The following PLPPR1 variants were observed in gnomAD, a reference collection of about 807,000 sequenced individuals.
The protein encoded by PLPPR1 is phospholipid phosphatase related 1, also known as phospholipid phosphatase-related protein type 1.
A neutral mutation model predicts 33.1 loss-of-function variants in PLPPR1; 10 were observed. That is an observed-to-expected ratio of 0.30 (90% CI 0.19 to 0.51). The LOEUF is 0.51. Ranked by LOEUF, PLPPR1 falls within the 20% of genes least tolerant of loss-of-function variation. The pLI is 0.97. For missense variants in PLPPR1, 304 were observed against 408.1 expected (o/e 0.74, Z 2.20); for synonymous variants, 151 against 151.0 (o/e 1.00, Z 0.00).
chr9:101,103,224 G>A (rs1297906226), intron 1 of PLPPR1, among the ~76,000 whole-genome samples: 3 of 129,616 alleles, frequency 2.3e-5, no homozygotes, highest in East Asian at 4.9e-4. Context: ...CCTTGCCTAC[G>A]CCTATGTCCT....
chr9:101,180,336 CAATGA>C (rs1438230442), intron 1 of PLPPR1, among the ~76,000 whole-genome samples: 1 of 150,538 alleles, frequency 6.6e-6, no homozygotes, highest in Non-Finnish European at 1.5e-5. Flanking sequence ...TCTATAGATT[CAATGA>C]AATCCCTACC....
chr9:101,132,228 C>T (rs1212144968), intron 1 of PLPPR1, among the ~76,000 whole-genome samples: 4 of 152,278 alleles, frequency 2.6e-5, no homozygotes, highest in Admixed American at 2.0e-4. Flanking sequence ...AAAGAACATC[C>T]TCCTTCCACA....
At chr9:101,194,674 C>T (rs1025306798) in intron 2 of PLPPR1, among the ~76,000 whole-genome samples, 1 of 151,306 alleles carries the variant, frequency 6.6e-6, no homozygotes, top group Non-Finnish European at 1.5e-5. Context: ...TCGCTTGAAC[C>T]CGGGAGGCGG....
intron 3 of PLPPR1, among the ~76,000 whole-genome samples, chr9:101,271,390 T>A (rs1368548929): frequency 6.6e-6 from 1 of 152,222 alleles, no homozygotes; most frequent in African/African-American, 2.4e-5. Flanking sequence ...TGGCTGGAAC[T>A]GCTCTTTGCC....
chr9:101,078,292 C>T (rs1421509219), intron 1 of PLPPR1, among the ~76,000 whole-genome samples: 2 of 141,398 alleles, frequency 1.4e-5, no homozygotes, highest in Non-Finnish European at 1.5e-5. Context: ...GATCTGGCAA[C>T]AAAAAAGGGC....
At chr9:101,030,076 A>C (rs140557051) in intron 1 of PLPPR1, among the ~76,000 whole-genome samples, 2 of 152,150 alleles carry the variant, frequency 1.3e-5, no homozygotes, top group African/African-American at 4.8e-5. Context: ...GGTTCTGAAT[A>C]TCTCTTCGGC....
intron 3 of PLPPR1, among the ~76,000 whole-genome samples, chr9:101,271,236 T>A (rs1828094523): frequency 6.6e-6 from 1 of 152,174 alleles, no homozygotes; most frequent in African/African-American, 2.4e-5. Flanking sequence ...ACATCCTGAC[T>A]TTGGGCAAGT....
At chr9:101,289,816 C>T (rs1169528126) in intron 4 of PLPPR1, among the ~76,000 whole-genome samples, 1 of 152,160 alleles carries the variant, frequency 6.6e-6, no homozygotes, top group African/African-American at 2.4e-5. Flanking sequence ...TCAGGTATGT[C>T]TTTATTAGGG....
At chr9:101,265,909 T>C (rs1292691151) in intron 2 of PLPPR1, among the ~76,000 whole-genome samples, 1 of 151,746 alleles carries the variant, frequency 6.6e-6, no homozygotes, top group African/African-American at 2.4e-5. Context: ...GGCAGGAGAA[T>C]TGTGTGAACC....
At chr9:101,278,540 C>G (rs1360908411) in intron 3 of PLPPR1, among the ~76,000 whole-genome samples, 1 of 152,168 alleles carries the variant, frequency 6.6e-6, no homozygotes, top group Admixed American at 6.5e-5. Context: ...ACCCCTCCCC[C>G]AACCATCACA....
At chr9:101,119,416 G>A (rs1831150738) in intron 1 of PLPPR1, among the ~76,000 whole-genome samples, 1 of 152,220 alleles carries the variant, frequency 6.6e-6, no homozygotes, top group South Asian at 2.1e-4. Flanking sequence ...CCAGTGGAGG[G>A]CAGCAGAGGG....
intron 1 of PLPPR1, among the ~76,000 whole-genome samples, chr9:101,038,785 A>T (rs949450024): frequency 6.6e-6 from 1 of 152,166 alleles, no homozygotes; most frequent in Admixed American, 6.5e-5. Flanking sequence ...AAATGGCTGC[A>T]GAGATTGCGT....
At chr9:101,236,825 C>A (rs1258335090) in intron 2 of PLPPR1, among the ~76,000 whole-genome samples, 2 of 151,368 alleles carry the variant, frequency 1.3e-5, no homozygotes, top group Non-Finnish European at 3.0e-5. Flanking sequence ...GTAACAAAAC[C>A]AAAAACAGAC....
intron 2 of PLPPR1, among the ~76,000 whole-genome samples, chr9:101,203,117 T>C (rs141365616): frequency 3.3e-5 from 5 of 152,306 alleles, no homozygotes; most frequent in African/African-American, 7.2e-5. Context: ...ACTCTGTCAT[T>C]ACTAAATGAT....
At chr9:101,080,431 C>G (rs577673196) in intron 1 of PLPPR1, among the ~76,000 whole-genome samples, 17 of 152,172 alleles carry the variant, frequency 1.1e-4, no homozygotes, top group Admixed American at 9.2e-4. Flanking sequence ...GGAGAATTGC[C>G]AGAGCCTGGG....
intron 2 of PLPPR1, among the ~76,000 whole-genome samples, chr9:101,236,521 CCTCT>C (rs1015817785): frequency 1.5e-5 from 2 of 129,862 alleles, no homozygotes; most frequent in Admixed American, 8.1e-5. Flanking sequence ...TAATTGTTAC[CCTCT>C]CTCTCTAAAC....
intron 1 of PLPPR1, among the ~76,000 whole-genome samples, chr9:101,152,550 T>C (rs562513685): frequency 6.6e-6 from 1 of 152,360 alleles, no homozygotes; most frequent in South Asian, 2.1e-4. Flanking sequence ...TTTAAGTCTT[T>C]AATTCATCTT....
intron 4 of PLPPR1, among the ~76,000 whole-genome samples, chr9:101,295,521 T>A (rs1208051004): frequency 6.6e-6 from 1 of 152,040 alleles, no homozygotes; most frequent in Non-Finnish European, 1.5e-5. Flanking sequence ...AGAACAAAGC[T>A]GGAGGCATCA....
chr9:101,164,437 A>T (rs1415972995), intron 1 of PLPPR1, among the ~76,000 whole-genome samples: 1 of 150,324 alleles, frequency 6.7e-6, no homozygotes, highest in Non-Finnish European at 1.5e-5. Flanking sequence ...ATCTTGGCTC[A>T]TTGCAACCTC....
Sources: gnomAD v4.1 joint callset for allele counts (sites outside exome capture counted in the v4.1 genomes callset) on GRCh38, gnomAD v4.1.1 for gene constraint, MANE v1.5 for transcripts, NCBI Gene and HGNC (gene_info 2026-07-23, HGNC 2026-07-21) for gene names.